Variants in TRIM69 observed in about 807,000 individuals in gnomAD.
TRIM69 encodes tripartite motif containing 69.
A neutral mutation model predicts 37.7 loss-of-function variants in TRIM69; 29 were observed. That is an observed-to-expected ratio of 0.77 (90% CI 0.57 to 1.05). TRIM69 has a LOEUF of 1.05. TRIM69 is among the 50% of genes least tolerant of loss of function. TRIM69 has a pLI of 0.00. For synonymous variants in TRIM69, 209 were observed against 212.4 expected, an observed-to-expected ratio of 0.98 and a Z score of 0.14; for missense variants, 596 against 579.9, an observed-to-expected ratio of 1.03 and a Z score of -0.28.
At chr15:44,762,739 C>T (rs1280080864) in intron 6 of TRIM69, among the ~76,000 whole-genome samples, 2 of 152,064 alleles carry the variant, frequency 1.3e-5, no homozygotes, top group Non-Finnish European at 2.9e-5. Context: ...TCACCATGTT[C>T]ATGCCTTCCT....
chr15:44,743,389 A>T (rs1281494453), intron 1 of TRIM69, among the ~76,000 whole-genome samples: 3 of 152,258 alleles, frequency 2.0e-5, no homozygotes, highest in East Asian at 3.8e-4. Flanking sequence ...ATTACCATTC[A>T]GGACATAGGC....
intron 2 of TRIM69, among the ~76,000 whole-genome samples, chr15:44,755,979 C>A (rs1304002042): frequency 1.3e-5 from 2 of 152,170 alleles, no homozygotes; most frequent in African/African-American, 2.4e-5. Context: ...GTGTAGAGTT[C>A]TATTCCCTTC....
intron 1 of TRIM69, chr15:44,753,908 GT>G (rs1174688608): frequency 6.6e-6 from 1 of 151,966 alleles, no homozygotes; most frequent in Non-Finnish European, 1.5e-5. Flanking sequence ...TAGAGACAGG[GT>G]TTCACCATGT....
rs571019472 is a variant in TRIM69 at position 44,753,592 on chromosome 15, T to C, written c.7-1308T>C. 8.5e-5 allele frequency: 13 copies of C among 152,356 alleles called. No homozygotes were observed. In the South Asian group the frequency reaches 1.4e-3, roughly 17 times the overall value. 9.4% of individuals were successfully genotyped at this position (152,356 alleles called of 1,614,324 possible). A position where few individuals can be genotyped will look rare whatever the true frequency, so the allele number is the denominator to read the frequency against. On this transcript the variant is annotated intron_variant, in intron 1 of 6. Coordinates refer to ENST00000329464, the MANE Select transcript of TRIM69 (RefSeq NM_182985.5). ...TGCTTTCAAGATTCCTTCCTTGTCA[T>C]TGGACACTTCAATTATAATGTGTCT...
intron 1 of TRIM69, among the ~76,000 whole-genome samples, chr15:44,748,256 G>C (rs559357045): frequency 6.6e-6 from 1 of 152,188 alleles, no homozygotes; most frequent in African/African-American, 2.4e-5. Flanking sequence ...GGGACTTCTA[G>C]TTGCACTTTG....
At chr15:44,757,562 CAG>C (rs1459953639) in intron 3 of TRIM69, 1 of 152,144 alleles carries the variant, frequency 6.6e-6, no homozygotes, top group Non-Finnish European at 1.5e-5. Context: ...CTATGTTAAA[CAG>C]AGAAAAGGCC....
At chr15:44,761,112 G>A (rs573743754) in intron 6 of TRIM69, among the ~76,000 whole-genome samples, 1 of 152,112 alleles carries the variant, frequency 6.6e-6, no homozygotes, top group East Asian at 1.9e-4. Context: ...TAGAGACGGG[G>A]TTTCACCCTG....
chr15:44,757,233 G>A (rs1052989060), intron 3 of TRIM69: 2 of 151,990 alleles, frequency 1.3e-5, no homozygotes, highest in Non-Finnish European at 2.9e-5. Context: ...TTATTGAGTG[G>A]GTCAGGCATA....
chr15:44,739,669 G>T (rs1352681417), intron 1 of TRIM69, among the ~76,000 whole-genome samples: 1 of 152,154 alleles, frequency 6.6e-6, no homozygotes, highest in Non-Finnish European at 1.5e-5. Context: ...CGGCAGCGAG[G>T]CTGTGGGAGG....
At position 44,755,246 on chromosome 15, in the gene TRIM69, A is replaced by G. The variant is rs1264720899; in HGVS notation, c.353A>G (p.His118Arg). 1 of 1,614,232 alleles carries G rather than the reference A, an allele frequency of 6.2e-7. No individual in the cohort carries two copies. The highest frequency in any genetic ancestry group is 1.3e-5 in the African/African-American group (1 of 75,044). ...AAGGGCCATCCACAGTGCCCAGAGC[A>G]TGGAGAGAACCTGAAACTGTTCAGT... Reference protein sequence around the residue: ...LLKGHPQCPEHGENLKLFSKP... With the variant: ...LLKGHPQCPERGENLKLFSKP... The change falls in exon 2 of 7, where the codon CAT becomes CGT. Residue 118 changes from histidine (H) to arginine (R), a missense_variant. By Grantham distance (29) the His-to-Arg change is conservative. Transcript: ENST00000329464.
At chr15:44,745,653 A>G (rs535496991) in intron 1 of TRIM69, among the ~76,000 whole-genome samples, 1 of 152,302 alleles carries the variant, frequency 6.6e-6, no homozygotes, top group African/African-American at 2.4e-5. Context: ...GCAAATAAGG[A>G]AACCATGAGA....
At chr15:44,745,690 CA>C (rs1197521867) in intron 1 of TRIM69, among the ~76,000 whole-genome samples, 3 of 151,936 alleles carry the variant, frequency 2.0e-5, no homozygotes, top group Non-Finnish European at 4.4e-5. Flanking sequence ...TAGTGAATAC[CA>C]GCAAAGATGT....
intron 1 of TRIM69, among the ~76,000 whole-genome samples, chr15:44,745,683 T>G (rs546276708): frequency 2.0e-5 from 3 of 152,082 alleles, no homozygotes; most frequent in Non-Finnish European, 4.4e-5. Context: ...CACCAAATAG[T>G]GAATACCAGC....
At chr15:44,741,512 G>C (rs1340986264) in intron 1 of TRIM69, among the ~76,000 whole-genome samples, 1 of 152,042 alleles carries the variant, frequency 6.6e-6, no homozygotes, top group Non-Finnish European at 1.5e-5. Context: ...CCTTCAAAAA[G>C]TTAATGAATC....
At chr15:44,761,322 T>C (rs1436902217) in intron 6 of TRIM69, among the ~76,000 whole-genome samples, 1 of 152,250 alleles carries the variant, frequency 6.6e-6, no homozygotes, top group African/African-American at 2.4e-5. Context: ...GGGTAGTCCA[T>C]GGTAGTTTTA....
chr15:44,739,310 C>T (rs906742987), intron 1 of TRIM69, among the ~76,000 whole-genome samples: 30 of 152,184 alleles, frequency 2.0e-4, no homozygotes, highest in African/African-American at 6.3e-4. Flanking sequence ...ATGCAGAAGA[C>T]GGGTGATTTC....
At chr15:44,740,701 G>A (rs2141307081) in intron 1 of TRIM69, among the ~76,000 whole-genome samples, 1 of 151,154 alleles carries the variant, frequency 6.6e-6, no homozygotes, top group Admixed American at 6.6e-5. Flanking sequence ...AACCAACAAA[G>A]ATCAAAAGAG....
At chr15:44,754,575 TAAC>T (rs2087602662) in intron 1 of TRIM69, 3 of 261,694 alleles carry the variant, frequency 1.1e-5, no homozygotes, top group Admixed American at 4.9e-5. Context: ...ATAAAGGTAA[TAAC>T]TAGTAGAGCA....
chr15:44,751,653 G>A (rs1167816991), intron 1 of TRIM69, among the ~76,000 whole-genome samples: 2 of 152,018 alleles, frequency 1.3e-5, no homozygotes, highest in Non-Finnish European at 2.9e-5. Flanking sequence ...ATTGATTTGT[G>A]GTCTTTCTTT....
Sources: allele counts gnomAD v4.1 joint callset (sites outside exome capture counted in the v4.1 genomes callset), GRCh38; gene constraint gnomAD v4.1.1; transcripts MANE v1.5; gene names NCBI Gene and HGNC (gene_info 2026-07-23, HGNC 2026-07-21).